SMAD3: variants seen among roughly 807,000 people sequenced by gnomAD.
SMAD3 encodes MAD homolog 3.
In SMAD3, 12 loss-of-function variants were observed where a neutral mutation model predicts 51.8. The observed-to-expected ratio is 0.23, with a 90% CI of 0.15 to 0.38. The LOEUF is 0.38. Ranked by LOEUF, SMAD3 falls within the 10% of genes least tolerant of loss-of-function variation. SMAD3 has a pLI of 1.00. For synonymous variants in SMAD3, 238 were observed against 227.7 expected (o/e 1.05, Z -0.41); for missense variants, 294 against 565.6 (o/e 0.52, Z 4.87).
intron 1 of SMAD3, among the ~76,000 whole-genome samples, chr15:67,119,345 T>G (rs1475236219): frequency 6.6e-6 from 1 of 151,536 alleles, no homozygotes; most frequent in African/African-American, 2.4e-5. Context: ...CATGATGGAG[T>G]GTTGGGGCTG....
At chr15:67,122,910 G>T (rs1961300265) in intron 1 of SMAD3, among the ~76,000 whole-genome samples, 1 of 152,190 alleles carries the variant, frequency 6.6e-6, no homozygotes, top group African/African-American at 2.4e-5. Context: ...TTGCGTCCGG[G>T]CATGGTGGCT....
intron 1 of SMAD3, among the ~76,000 whole-genome samples, chr15:67,150,799 T>C (rs1962110799): frequency 2.8e-5 from 1 of 35,142 alleles, no homozygotes; most frequent in Non-Finnish European, 5.6e-5. Context: ...CATGTCCTGC[T>C]TTTTTTTTTT....
chr15:67,111,670 GTTTTA>G (rs751653170), intron 1 of SMAD3, among the ~76,000 whole-genome samples: 3 of 152,102 alleles, frequency 2.0e-5, no homozygotes, highest in Non-Finnish European at 4.4e-5. Context: ...GTTATTGTCT[GTTTTA>G]TTTTAGCCAT....
intron 1 of SMAD3, among the ~76,000 whole-genome samples, chr15:67,092,704 A>T (rs1271252503): frequency 6.6e-6 from 1 of 152,210 alleles, no homozygotes; most frequent in African/African-American, 2.4e-5. Context: ...GTAGCGGAAA[A>T]GGCACAGGAC....
chr15:67,072,166 T>C (rs76131938), intron 1 of SMAD3, among the ~76,000 whole-genome samples: 7,978 of 152,332 alleles, frequency 0.052, 294 homozygotes, highest in East Asian at 0.15. Context: ...TTTAATAATG[T>C]AAACATGTGA....
Position 67,113,076 on chromosome 15 carries a change from G to GTGTATATATATATA in SMAD3, c.206+46717_206+46718insGTATATATATATAT, listed in dbSNP as rs763595789. Among the ~76,000 whole-genome samples, 320 of 34,964 alleles carry GTGTATATATATATA rather than the reference G, an allele frequency of 9.2e-3. 37 individuals carry two copies. Among genetic ancestry groups the GTGTATATATATATA allele is most frequent in the Admixed American group, 0.027 (74 of 2,756 alleles). 22.9% of individuals were successfully genotyped at this position (34,964 alleles called of 152,430 possible). On this transcript the variant is annotated intron_variant, in intron 1 of 8. Coordinates refer to ENST00000327367, the MANE Select transcript of SMAD3 (RefSeq NM_005902.4). ...CAACTTTTAAAATATATATATATGT[G>GTGTATATATATATA]TATATATATATATATATATTTTTTT...
At chr15:67,090,994 G>A (rs1235393897) in intron 1 of SMAD3, among the ~76,000 whole-genome samples, 4 of 152,182 alleles carry the variant, frequency 2.6e-5, no homozygotes, top group African/African-American at 9.7e-5. Flanking sequence ...GGCTGTTAGA[G>A]TGCAGTGCAG....
chr15:67,170,484 A>G (rs1962717837), intron 4 of SMAD3, 70 bp from the exon 5 acceptor site: 11 of 1,251,114 alleles, frequency 8.8e-6, no homozygotes, highest in Non-Finnish European at 1.3e-5. Flanking sequence ...TTGATATGTA[A>G]GTGTTTAGTA....
chr15:67,076,657 C>T (rs957668234), intron 1 of SMAD3, among the ~76,000 whole-genome samples: 1 of 152,264 alleles, frequency 6.6e-6, no homozygotes, highest in South Asian at 2.1e-4. Flanking sequence ...CTCCACCTGG[C>T]TGTGCTCCTC....
intron 1 of SMAD3, among the ~76,000 whole-genome samples, chr15:67,131,195 G>A (rs1408522746): frequency 1.3e-5 from 2 of 152,172 alleles, no homozygotes; most frequent in Admixed American, 6.5e-5. Context: ...CCGCGGCTTC[G>A]CATGTGTAAA....
chr15:67,159,262 G>C (rs577078849), intron 1 of SMAD3, among the ~76,000 whole-genome samples: 1 of 151,962 alleles, frequency 6.6e-6, no homozygotes, highest in African/African-American at 2.4e-5. Context: ...GTAGAGATGG[G>C]GTTTCACCAT....
At chr15:67,105,525 G>A (rs1179441756) in intron 1 of SMAD3, among the ~76,000 whole-genome samples, 1 of 152,236 alleles carries the variant, frequency 6.6e-6, no homozygotes, top group Admixed American at 6.5e-5. Context: ...CAGGGTGGCT[G>A]AGAGAATTGT....
chr15:67,181,592 G>C lies in SMAD3; in HGVS notation c.871+139G>C. 4.0e-6 allele frequency: 3 copies of C among 758,816 alleles called. No homozygotes were observed. In the South Asian group the frequency reaches 4.7e-5, roughly 12 times the overall value. 47.0% of individuals were successfully genotyped at this position (758,816 alleles called of 1,614,324 possible). A position where few individuals can be genotyped will look rare whatever the true frequency, so the allele number is the denominator to read the frequency against. On this transcript the variant is annotated intron_variant, in intron 6 of 8. Coordinates refer to ENST00000327367, the MANE Select transcript of SMAD3 (RefSeq NM_005902.4). Reference sequence around the variant, plus strand: ...CTGTGCTCTGCCTCCTGCTGGGCATGGGGGAAGACTCACTGCCCCAGCAAG... The same window carrying C: ...CTGTGCTCTGCCTCCTGCTGGGCATCGGGGAAGACTCACTGCCCCAGCAAG...
intron 1 of SMAD3, among the ~76,000 whole-genome samples, chr15:67,088,783 C>T (rs1960449524): frequency 6.6e-6 from 1 of 152,120 alleles, no homozygotes; most frequent in African/African-American, 2.4e-5. Context: ...AAAAATGAGC[C>T]AGGTGTGGTG....
rs943237079 is a variant in SMAD3 at position 67,116,044 on chromosome 15, CA to C, written c.207-48850del. Among the ~76,000 whole-genome samples, 2 of 152,236 alleles carry C rather than the reference CA, an allele frequency of 1.3e-5. 1 individual carries two copies. Among genetic ancestry groups the C allele is most frequent in the South Asian group, 4.1e-4 (2 of 4,828 alleles). ...CAGAGATGAGAGAGATGTTTAACAACAGAGAGAAATCCACCCGAAGGACTTT... is the reference window on the plus strand; with the variant it reads ...CAGAGATGAGAGAGATGTTTAACAACGAGAGAAATCCACCCGAAGGACTTT... On this transcript the variant is annotated intron_variant, in intron 1 of 8. Transcript: ENST00000327367.
rs569114305 is a variant in SMAD3 at position 67,157,057 on chromosome 15, C to T, written c.207-7838C>T. Among the ~76,000 whole-genome samples the T allele has an allele frequency of 1.2e-4, 18 of 152,284 alleles. No individual in the cohort carries two copies. The South Asian group carries it at 3.7e-3, about 32-fold the overall frequency. ...CACTCTGTCACAGTCATCAAGTGGC[C>T]AACACAGTACCTGGCACATAGCAGC... On this transcript the variant is annotated intron_variant, in intron 1 of 8. Coordinates refer to ENST00000327367, the MANE Select transcript of SMAD3 (RefSeq NM_005902.4).
At position 67,065,674 on chromosome 15, in the gene SMAD3, C is replaced by G. The variant is rs1363626793; in HGVS notation, c.-481C>G. Among the ~76,000 whole-genome samples, 1 of 150,874 alleles carries G rather than the reference C, an allele frequency of 6.6e-6. No homozygotes were observed. The highest frequency in any genetic ancestry group is 2.1e-4 in the South Asian group (1 of 4,778). ...CGGGCCGGCCCAGCCAGCGAGCGAG[C>G]GAGCGGCGAGCCGGGAGGAGGAGGG... On this transcript the variant is annotated 5_prime_UTR_variant, in exon 1 of 9. Coordinates refer to ENST00000327367, the MANE Select transcript of SMAD3 (RefSeq NM_005902.4).
intron 1 of SMAD3, among the ~76,000 whole-genome samples, chr15:67,076,661 G>C (rs555019852): frequency 2.0e-5 from 3 of 152,348 alleles, no homozygotes; most frequent in South Asian, 4.1e-4. Flanking sequence ...ACCTGGCTGT[G>C]CTCCTCTTAC....
At chr15:67,076,717 A>T (rs574957334) in intron 1 of SMAD3, among the ~76,000 whole-genome samples, 4 of 152,326 alleles carry the variant, frequency 2.6e-5, no homozygotes, top group African/African-American at 9.6e-5. Context: ...CATCTAGAGC[A>T]AGCACTTCCT....
Sources: gnomAD v4.1 joint callset for allele counts (sites outside exome capture counted in the v4.1 genomes callset) on GRCh38, gnomAD v4.1.1 for gene constraint, MANE v1.5 for transcripts, NCBI Gene and HGNC (gene_info 2026-07-23, HGNC 2026-07-21) for gene names.